Variants in KDM2B observed in about 807,000 individuals in gnomAD.
KDM2B encodes the protein lysine demethylase 2B, also known as lysine-specific demethylase 2B.
In KDM2B, 26 loss-of-function variants were observed where a neutral mutation model predicts 150.0. The ratio of observed to expected loss-of-function variants is 0.17; its 90% confidence interval spans 0.13 to 0.24. The LOEUF (loss-of-function observed/expected upper bound fraction) is 0.24, where lower values mean the gene tolerates loss of function less well. Among genes scored for constraint, KDM2B ranks in the 10% least tolerant of loss-of-function variants. The probability of loss-of-function intolerance (pLI) is 1.00; values close to 1 mark genes in which losing one functional copy is unlikely to be tolerated. For synonymous variants in KDM2B, 734 were observed against 729.5 expected, an observed-to-expected ratio of 1.01 and a Z score of -0.10; for missense variants, 1,265 against 1,816.9, an observed-to-expected ratio of 0.70 and a Z score of 5.52.
chr12:121,552,849 G>A (rs371466130), intron 4 of KDM2B, among the ~76,000 whole-genome samples: 8 of 152,082 alleles, frequency 5.3e-5, no homozygotes, highest in African/African-American at 1.9e-4. Context: ...ATCTTGGCAA[G>A]GCTAGCTCCT....
At chr12:121,450,849 A>C (rs1344997933) in intron 13 of KDM2B, among the ~76,000 whole-genome samples, 1 of 97,044 alleles carries the variant, frequency 1.0e-5, no homozygotes, top group Non-Finnish European at 1.9e-5. Flanking sequence ...TGACAGAGCA[A>C]GACTCCATCA....
intron 6 of KDM2B, among the ~76,000 whole-genome samples, chr12:121,539,347 A>G (rs1173485158): frequency 2.0e-5 from 3 of 151,210 alleles, no homozygotes; most frequent in Non-Finnish European, 4.4e-5. Flanking sequence ...AAAAAAAAAA[A>G]AAAAAAAAGA....
rs529155906 is a variant in KDM2B, at chr12:121,521,910, A to G, written c.932-810T>C. Among the ~76,000 whole-genome samples, 31 of 152,094 alleles carry G rather than the reference A, an allele frequency of 2.0e-4. No individual in the cohort carries two copies. The South Asian group carries it at 6.2e-3, about 31-fold the overall frequency. On this transcript the variant is annotated intron_variant, in intron 8 of 22. Transcript: ENST00000377071. This position sits in a 1 kb window ranked among gnomAD's most constrained non-coding sequence, Gnocchi z 4.9. ...GATCGCTTGAGCTCAGCAGTTTGAGATCAGCCTGGACAATATAGTAATACC... is the reference window on the plus strand; with the variant it reads ...GATCGCTTGAGCTCAGCAGTTTGAGGTCAGCCTGGACAATATAGTAATACC...
At chr12:121,484,965 T>C (rs1882603794) in intron 12 of KDM2B, among the ~76,000 whole-genome samples, 1 of 152,150 alleles carries the variant, frequency 6.6e-6, no homozygotes, top group African/African-American at 2.4e-5. Flanking sequence ...CATATGATTG[T>C]TGTCCTTATA....
rs782027220 is a variant in KDM2B, at chr12:121,440,991, G to A, written c.3449-14C>T. 10 of 1,613,086 alleles carry A rather than the reference G, an allele frequency of 6.2e-6. No individual in the cohort carries two copies. Among genetic ancestry groups the A allele is most frequent in the Non-Finnish European group, 8.5e-6 (10 of 1,179,398 alleles). The stretch of plus-strand genomic sequence containing the variant: ...AGTCCCGGAGCCCTGGGGGGACATA[G>A]AAAAGGGTGAAGGTCAGGGGATGTG... On this transcript the variant is annotated splice_polypyrimidine_tract_variant and intron_variant, in intron 20 of 22. Transcript: ENST00000377071.
At chr12:121,488,405 G>T (rs367829530) in intron 12 of KDM2B, among the ~76,000 whole-genome samples, 9 of 152,206 alleles carry the variant, frequency 5.9e-5, no homozygotes, top group African/African-American at 2.2e-4. Context: ...CCACTCTAAA[G>T]GCATTTTACA....
intron 11 of KDM2B, among the ~76,000 whole-genome samples, chr12:121,497,786 C>A (rs1167990874): frequency 6.6e-6 from 1 of 151,264 alleles, no homozygotes; most frequent in African/African-American, 2.4e-5. Context: ...GATCCTAGAA[C>A]AGAAAAAAAA....
chr12:121,528,472 T>C (rs1887344477), intron 8 of KDM2B, among the ~76,000 whole-genome samples: 4 of 151,958 alleles, frequency 2.6e-5, no homozygotes, highest in Admixed American at 1.3e-4. Flanking sequence ...GGCATGAGAA[T>C]TGCTTAAACT....
At position 121,453,102 on chromosome 12, in the gene KDM2B, G is replaced by T; in HGVS notation, c.1959+18C>A. On this transcript the variant is annotated intron_variant, in intron 13 of 22. Transcript: ENST00000377071. The surrounding 1 kb of genome is among the most constrained non-coding windows in gnomAD (Gnocchi z 6.4). Reference sequence around the variant, plus strand: ...GGGGCCTGAATCGAGCGCAGGGCTGGGCGGGGGCCGCACTCACCGCGATGC... The same window carrying T: ...GGGGCCTGAATCGAGCGCAGGGCTGTGCGGGGGCCGCACTCACCGCGATGC... The T allele has an allele frequency of 6.3e-7, 1 of 1,589,458 alleles. No homozygotes were observed. Among genetic ancestry groups the T allele is most frequent in the Non-Finnish European group, 8.5e-7 (1 of 1,169,616 alleles).
rs137956520 is a variant in KDM2B, at chr12:121,439,164, G to C, written c.3829+693C>G. On this transcript the variant is annotated intron_variant, in intron 22 of 22. Coordinates refer to ENST00000377071, the MANE Select transcript of KDM2B (RefSeq NM_032590.5). ...CAAGGGGTGCATGTAAGCAACGACA[G>C]CAAAGGCAGAAACCAAGCTCCCTCC... Among the ~76,000 whole-genome samples, 939 of 152,246 alleles carry C rather than the reference G, an allele frequency of 6.2e-3. 12 individuals carry two copies. The highest frequency in any genetic ancestry group is 7.1e-3 in the Non-Finnish European group (482 of 68,014).
chr12:121,516,778 A>G, intron 9 of KDM2B: 1 of 655,152 alleles, frequency 1.5e-6, no homozygotes, highest in Middle Eastern at 2.4e-4. Flanking sequence ...AGGTTTCTCG[A>G]GTGTATCTAG....
chr12:121,498,087 C>T (rs1233198892), intron 11 of KDM2B, among the ~76,000 whole-genome samples: 24 of 152,166 alleles, frequency 1.6e-4, no homozygotes, highest in African/African-American at 5.3e-4. Context: ...CAGAGTAAGA[C>T]TTTGTCTCAA....
chr12:121,544,615 A>C (rs1483612565), intron 6 of KDM2B, among the ~76,000 whole-genome samples: 8 of 151,124 alleles, frequency 5.3e-5, no homozygotes, highest in East Asian at 1.9e-4. Flanking sequence ...GTCCCCCCCC[A>C]AAAAAAGAAA....
intron 8 of KDM2B, among the ~76,000 whole-genome samples, chr12:121,528,849 T>C (rs77102063): frequency 0.099 from 15,044 of 152,082 alleles, 1,920 homozygotes; most frequent in African/African-American, 0.29. Context: ...GCTGAGATCG[T>C]GCCACTGCAC....
At chr12:121,510,940 G>T (rs1435533852) in intron 10 of KDM2B, among the ~76,000 whole-genome samples, 1 of 151,940 alleles carries the variant, frequency 6.6e-6, no homozygotes, top group Non-Finnish European at 1.5e-5. Flanking sequence ...GTTGCCTAGG[G>T]CTGGGGAAAG....
At chr12:121,543,029 T>G (rs556501531) in intron 6 of KDM2B, among the ~76,000 whole-genome samples, 33 of 152,228 alleles carry the variant, frequency 2.2e-4, no homozygotes, top group Non-Finnish European at 3.4e-4. Flanking sequence ...TACTCCTACC[T>G]GTTTTTAAGT....
intron 1 of KDM2B, chr12:121,580,067 T>C: frequency 1.2e-6 from 2 of 1,605,444 alleles, no homozygotes; most frequent in Non-Finnish European, 1.7e-6. Flanking sequence ...TTAGGAGAGT[T>C]CACCAATTAA....
At chr12:121,510,613 T>G (rs1269458197) in intron 10 of KDM2B, among the ~76,000 whole-genome samples, 1 of 151,896 alleles carries the variant, frequency 6.6e-6, no homozygotes, top group African/African-American at 2.4e-5. Flanking sequence ...AGAAACACAG[T>G]GAAACCCCAT....
Position 121,452,332 on chromosome 12 carries a change from AAGG to A in KDM2B, c.1959+785_1959+787del, listed in dbSNP as rs1210160410. On this transcript the variant is annotated intron_variant, in intron 13 of 22. Coordinates refer to ENST00000377071, the MANE Select transcript of KDM2B (RefSeq NM_032590.5). The surrounding 1 kb of genome is among the most constrained non-coding windows in gnomAD (Gnocchi z 4.4). ...AACAAAACACAAGAAATATGCGTGGAAGGAGATGGCTGAGGTGTCTGGGCCTGC... is the reference window on the plus strand; with the variant it reads ...AACAAAACACAAGAAATATGCGTGGAAGATGGCTGAGGTGTCTGGGCCTGC... 2.0e-5 allele frequency among the ~76,000 whole-genome samples: 3 copies of A among 152,260 alleles called. No individual in the cohort carries two copies. Among genetic ancestry groups the A allele is most frequent in the Non-Finnish European group, 4.4e-5 (3 of 68,052 alleles).
Sources: gnomAD v4.1 joint callset for allele counts (sites outside exome capture counted in the v4.1 genomes callset) on GRCh38, gnomAD v4.1.1 for gene constraint, Gnocchi (gnomAD v3.1) non-coding constraint, MANE v1.5 for transcripts, NCBI Gene and HGNC (gene_info 2026-07-23, HGNC 2026-07-21) for gene names.